ESF1: variants seen among roughly 807,000 people sequenced by gnomAD.
The protein encoded by ESF1 is ESF1 homolog.
In ESF1, 58 loss-of-function variants were observed where a neutral mutation model predicts 92.0. That is an observed-to-expected ratio of 0.63 (90% CI 0.51 to 0.78). ESF1 has a LOEUF of 0.78. ESF1 is among the 30% of genes least tolerant of loss of function. ESF1 has a pLI of 0.00. For synonymous variants in ESF1, 321 were observed against 313.7 expected (o/e 1.02, Z -0.24); for missense variants, 922 against 989.1 (o/e 0.93, Z 0.91).
Position 13,733,818 on chromosome 20 carries a change from A to T in ESF1, c.1853T>A (p.Met618Lys). The T allele has an allele frequency of 6.2e-7, 1 of 1,612,352 alleles. No homozygotes were observed. The highest frequency in any genetic ancestry group is 1.1e-5 in the South Asian group (1 of 90,802). Residue 618 changes from methionine to lysine, a missense_variant, in exon 10 of 14, where the codon ATG (methionine) becomes AAG (lysine). Coordinates refer to ENST00000617257, the MANE Select transcript of ESF1 (RefSeq NM_001276380.2). ...CTTTCCTTCCAATTTGTTTTTGACC[A>T]TCTCTTCTGCACTTTCTTTAAGACC... ...VPGLKESAEEMVKNKLEGKDK... is the reference protein window; with the variant it reads ...VPGLKESAEEKVKNKLEGKDK...
chr20:13,748,485 CACATATATAT>C lies in ESF1; in HGVS notation c.1828+11197_1828+11206del, dbSNP rs1420642113. 3.5e-4 allele frequency among the ~76,000 whole-genome samples: 42 copies of C among 120,180 alleles called. 1 individual carries two copies. Among genetic ancestry groups the C allele is most frequent in the African/African-American group, 1.2e-3 (35 of 29,976 alleles). The allele number at this position is 120,180 out of a possible 152,430, so 78.8% of individuals were successfully genotyped here. A position where few individuals can be genotyped will look rare whatever the true frequency, so the allele number is the denominator to read the frequency against. On this transcript the variant is annotated intron_variant, in intron 9 of 13. Coordinates refer to ENST00000617257, the MANE Select transcript of ESF1 (RefSeq NM_001276380.2). Reference sequence around the variant, plus strand: ...ATATATACACATATATACACATATACACATATATATACATATATACACATATATATACACA... The same window carrying C: ...ATATATACACATATATACACATATACACATATATACACATATATATACACA...
Position 13,766,924 on chromosome 20 carries a change from C to G in ESF1, c.1519G>C (p.Val507Leu). The change falls in exon 8 of 14, where the codon GTG (valine) becomes CTG (leucine). Residue 507 changes from valine (V) to leucine (L), a missense_variant and splice_region_variant. Val to Leu is a conservative substitution (Grantham distance 32). Transcript: ENST00000617257. ...TCAGTCTCATCCCAAGTGATTTCCA[C>G]CTTTCACCAACAAATAAGAAAAAAT... Reference protein sequence around the residue: ...FTSAAMGTSTVEITWDETDHE... With the variant: ...FTSAAMGTSTLEITWDETDHE... 1 of 1,605,602 alleles carries G rather than the reference C, an allele frequency of 6.2e-7. No homozygotes were observed. Among genetic ancestry groups the G allele is most frequent in the Admixed American group, 1.7e-5 (1 of 58,336 alleles).
chr20:13,744,946 C>T (rs917259131), intron 9 of ESF1, among the ~76,000 whole-genome samples: 1 of 152,132 alleles, frequency 6.6e-6, no homozygotes, highest in African/African-American at 2.4e-5. Flanking sequence ...ACTGCAGAGC[C>T]CATTGAAGGC....
intron 8 of ESF1, chr20:13,762,824 A>G: frequency 2.7e-6 from 1 of 364,140 alleles, no homozygotes; most frequent in Non-Finnish European, 5.2e-6. Flanking sequence ...AACTTGGTGT[A>G]TCTCAAACAA....
intron 11 of ESF1, among the ~76,000 whole-genome samples, chr20:13,728,013 C>T (rs1210836246): frequency 2.0e-5 from 3 of 152,142 alleles, no homozygotes; most frequent in Non-Finnish European, 4.4e-5. Context: ...AGAATGGATA[C>T]GCTATTAAAA....
In ESF1 at chr20:13,728,424, A is replaced by T; in HGVS notation, c.1992T>A (p.Asp664Glu). The change falls in exon 11 of 14, where the codon GAT becomes GAA. Residue 664 changes from aspartate (D) to glutamate (E), a missense_variant. Physicochemically the swap from Asp to Glu is conservative, Grantham distance 45 (BLOSUM62 2). Transcript: ENST00000617257. ...EEASEEELPS[D>E]VDLNDPYFAE... ...CAAAGTATGGGTCATTCAAATCAAC[A>T]TCAGAGGGAAGTTCCTCTTCACTGG... 19 of 1,613,302 alleles carry T rather than the reference A, an allele frequency of 1.2e-5. No individual in the cohort carries two copies. The highest frequency in any genetic ancestry group is 1.6e-5 in the Non-Finnish European group (19 of 1,179,656).
At chr20:13,723,795 C>A (rs1023125581) in intron 11 of ESF1, among the ~76,000 whole-genome samples, 3 of 152,158 alleles carry the variant, frequency 2.0e-5, no homozygotes, top group Non-Finnish European at 4.4e-5. Context: ...GAACTGTACA[C>A]TGAAAACACT....
At chr20:13,752,305 C>T (rs1306946627) in intron 9 of ESF1, among the ~76,000 whole-genome samples, 1 of 152,188 alleles carries the variant, frequency 6.6e-6, no homozygotes, top group East Asian at 1.9e-4. Flanking sequence ...TAGCCACTTA[C>T]CAGCTGTGTG....
intron 13 of ESF1, among the ~76,000 whole-genome samples, chr20:13,717,165 C>T (rs1051740107): frequency 1.3e-5 from 2 of 151,806 alleles, no homozygotes; most frequent in African/African-American, 4.8e-5. Flanking sequence ...ACTATGTTGC[C>T]CAGGCTGGTC....
Position 13,717,365 on chromosome 20 carries a change from T to C in ESF1, c.2262+3A>G, listed in dbSNP as rs776836057. The C allele has an allele frequency of 5.6e-6, 9 of 1,613,790 alleles. No individual in the cohort carries two copies. Among genetic ancestry groups the C allele is most frequent in the Non-Finnish European group, 7.6e-6 (9 of 1,179,878 alleles). ...AGAGGCTATGCCTGGTGTCTATGGT[T>C]ACCTCAAAGTCATCCTCTATTAATT... On this transcript the variant is annotated splice_donor_region_variant and intron_variant, in intron 13 of 13. Coordinates refer to ENST00000617257, the MANE Select transcript of ESF1 (RefSeq NM_001276380.2).
At position 13,759,817 on chromosome 20, in the gene ESF1, G is replaced by T; in HGVS notation, c.1703C>A (p.Thr568Lys). 3 of 1,596,634 alleles carry T rather than the reference G, an allele frequency of 1.9e-6. No individual in the cohort carries two copies. The highest frequency in any genetic ancestry group is 1.8e-5 in the Admixed American group (1 of 56,612). ...DGVNVEEDGK[T>K]KKSQKDDEEQ... Reference sequence around the variant, plus strand: ...TTCATCATCCTTCTGACTTTTCTTTGTTTTCCCATCTTCTTCTACATTGAC... The same window carrying T: ...TTCATCATCCTTCTGACTTTTCTTTTTTTTCCCATCTTCTTCTACATTGAC... Residue 568 changes from threonine to lysine, a missense_variant, in exon 9 of 14, where the codon ACA becomes AAA. Thr to Lys is a moderately conservative substitution (Grantham distance 78). Coordinates refer to ENST00000617257, the MANE Select transcript of ESF1 (RefSeq NM_001276380.2).
intron 2 of ESF1, among the ~76,000 whole-genome samples, chr20:13,781,148 C>T (rs1303585862): frequency 6.6e-6 from 1 of 152,130 alleles, no homozygotes; most frequent in Non-Finnish European, 1.5e-5. Context: ...ACTATTATTG[C>T]ATTTTGTATT....
At chr20:13,774,024 G>A (rs945398270) in intron 4 of ESF1, among the ~76,000 whole-genome samples, 1 of 152,018 alleles carries the variant, frequency 6.6e-6, no homozygotes, top group Non-Finnish European at 1.5e-5. Context: ...GAACCCGGGA[G>A]GCGGAGCTTG....
At chr20:13,753,362 G>C (rs1457017963) in intron 9 of ESF1, among the ~76,000 whole-genome samples, 1 of 149,750 alleles carries the variant, frequency 6.7e-6, no homozygotes, top group Non-Finnish European at 1.5e-5. Context: ...CTGTCCCTGC[G>C]ACTCACTGCC....
chr20:13,775,973 C>T lies in ESF1; in HGVS notation c.935G>A (p.Ser312Asn). 6.2e-7 allele frequency: 1 copy of T among 1,613,868 alleles called. No individual in the cohort carries two copies. Among genetic ancestry groups the T allele is most frequent in the African/African-American group, 1.3e-5 (1 of 75,040 alleles). Residue 312 changes from serine (S) to asparagine (N), a missense_variant, in exon 3 of 14, where the codon AGT becomes AAT. Transcript: ENST00000617257. ...LARGKGNIET[S>N]SEDEDDTADL... ...TGCCGTATCATCTTCATCTTCAGAACTAGTTTCTATATTTCCTTTACCCCT... is the reference window on the plus strand; with the variant it reads ...TGCCGTATCATCTTCATCTTCAGAATTAGTTTCTATATTTCCTTTACCCCT...
In ESF1 at chr20:13,715,272, A is replaced by G. The variant is rs1252925122; in HGVS notation, c.2263-105T>C. The G allele has an allele frequency of 2.7e-6, 3 of 1,099,630 alleles. No homozygotes were observed. In the African/African-American group the frequency reaches 4.8e-5, roughly 17 times the overall value. 68.1% of individuals were successfully genotyped at this position (1,099,630 alleles called of 1,614,324 possible). On this transcript the variant is annotated intron_variant, in intron 13 of 13. Coordinates refer to ENST00000617257, the MANE Select transcript of ESF1 (RefSeq NM_001276380.2). Reference sequence around the variant, plus strand: ...TTTCGAAAGTTGGTGAGTTGATTATATAAAATACAAACCTGAGTGTTTGTA... The same window carrying G: ...TTTCGAAAGTTGGTGAGTTGATTATGTAAAATACAAACCTGAGTGTTTGTA...
chr20:13,717,570 A>C (rs1368661548), intron 12 of ESF1, 56 bp from the exon 13 acceptor site: 4 of 1,591,908 alleles, frequency 2.5e-6, no homozygotes, highest in East Asian at 4.5e-5. Context: ...TTCCACCCCC[A>C]AAAAGGAGTA....
intron 9 of ESF1, among the ~76,000 whole-genome samples, chr20:13,748,548 GTATA>G: frequency 2.0e-5 from 1 of 49,538 alleles, no homozygotes; most frequent in African/African-American, 7.9e-5. Context: ...ATATGTGTGT[GTATA>G]TATATATATA....
rs1434988106 is a variant in ESF1, at chr20:13,717,510, T to G, written c.2120A>C (p.Glu707Ala). The G allele has an allele frequency of 1.2e-6, 2 of 1,613,870 alleles. No homozygotes were observed. Among genetic ancestry groups the G allele is most frequent in the East Asian group, 2.2e-5 (1 of 44,874 alleles). Residue 707 changes from glutamate (E) to alanine (A), a missense_variant, in exon 13 of 14, where the codon GAA (glutamate) becomes GCA (alanine). Coordinates refer to ENST00000617257, the MANE Select transcript of ESF1 (RefSeq NM_001276380.2). ...EEIEIERQKA[E>A]MALLMMDEDE... ...CTCATCCATCATAAGCAAAGCCATT[T>G]CAGCCTGTAGAGAGCAAAAAAAAGT...
Sources: gnomAD v4.1 joint callset for allele counts (sites outside exome capture counted in the v4.1 genomes callset) on GRCh38, gnomAD v4.1.1 for gene constraint, MANE v1.5 for transcripts, NCBI Gene and HGNC (gene_info 2026-07-23, HGNC 2026-07-21) for gene names.